The following SLX4IP variants were observed in gnomAD, a reference collection of about 807,000 sequenced individuals.
The protein encoded by SLX4IP is protein SLX4IP.
SLX4IP carries 34 observed loss-of-function variants against 32.9 expected under a neutral mutation model. The observed-to-expected ratio is 1.03, with a 90% CI of 0.79 to 1.38. The LOEUF (loss-of-function observed/expected upper bound fraction) is 1.38, where lower values mean the gene tolerates loss of function less well. SLX4IP is among the 40% of genes most tolerant of loss of function. The probability of loss-of-function intolerance (pLI) is 0.00; values close to 1 mark genes in which losing one functional copy is unlikely to be tolerated. For synonymous variants in SLX4IP, 172 were observed against 171.7 expected, an observed-to-expected ratio of 1.00 and a Z score of -0.01; for missense variants, 444 against 479.0, an observed-to-expected ratio of 0.93 and a Z score of 0.68.
At chr20:10,521,713 T>A (rs984589266) in intron 2 of SLX4IP, among the ~76,000 whole-genome samples, 1 of 152,154 alleles carries the variant, frequency 6.6e-6, no homozygotes, top group Non-Finnish European at 1.5e-5. Flanking sequence ...CATCCCCAAA[T>A]ATGCCCATGG....
intron 4 of SLX4IP, among the ~76,000 whole-genome samples, chr20:10,572,728 A>T (rs973498349): frequency 1.3e-5 from 2 of 152,102 alleles, no homozygotes; most frequent in African/African-American, 4.8e-5. Context: ...GCTTTTTGGC[A>T]TTTCTTCTAA....
chr20:10,513,124 C>T (rs1351639877), intron 2 of SLX4IP, among the ~76,000 whole-genome samples: 1 of 151,978 alleles, frequency 6.6e-6, no homozygotes, highest in Admixed American at 6.5e-5. Context: ...AAACGAAGAC[C>T]TCCTAGAGGA....
At chr20:10,564,867 C>T (rs1428850553) in intron 4 of SLX4IP, among the ~76,000 whole-genome samples, 2 of 152,130 alleles carry the variant, frequency 1.3e-5, no homozygotes, top group African/African-American at 4.8e-5. Flanking sequence ...TCCTCTTAAC[C>T]TTGCCAATAT....
chr20:10,574,558 C>T (rs1333941482), intron 4 of SLX4IP, among the ~76,000 whole-genome samples: 3 of 152,100 alleles, frequency 2.0e-5, no homozygotes, highest in African/African-American at 2.4e-5. Flanking sequence ...TCTGCTTGGG[C>T]TTGTTCACAT....
chr20:10,528,314 CAAACATTAGTTTGATAAAT>C (rs1042691066), intron 2 of SLX4IP, among the ~76,000 whole-genome samples: 7 of 152,088 alleles, frequency 4.6e-5, no homozygotes, highest in Non-Finnish European at 7.4e-5. Flanking sequence ...GTCCATTTAT[CAAACATTAGTTTGATAAAT>C]ATCATCATTT....
chr20:10,496,032 T>C (rs1003906355), intron 2 of SLX4IP, among the ~76,000 whole-genome samples: 5 of 145,716 alleles, frequency 3.4e-5, no homozygotes, highest in African/African-American at 1.1e-4. Flanking sequence ...TGTTGTTTGG[T>C]TGATTTTTTT....
chr20:10,494,491 A>G (rs975002298), intron 2 of SLX4IP, among the ~76,000 whole-genome samples: 1 of 151,756 alleles, frequency 6.6e-6, no homozygotes, highest in Non-Finnish European at 1.5e-5. Flanking sequence ...ATCTGTTTTT[A>G]GATATATTGA....
At chr20:10,463,628 G>A (rs915383058) in intron 2 of SLX4IP, among the ~76,000 whole-genome samples, 3 of 152,186 alleles carry the variant, frequency 2.0e-5, no homozygotes, top group Admixed American at 6.5e-5. Flanking sequence ...ATTGAGAAGA[G>A]ATTTTTTTAG....
intron 4 of SLX4IP, among the ~76,000 whole-genome samples, chr20:10,592,649 T>A (rs930085814): frequency 3.5e-4 from 49 of 140,468 alleles, no homozygotes; most frequent in Admixed American, 1.9e-3. Context: ...TTTTTTTTTT[T>A]TTTGAGATGG....
intron 2 of SLX4IP, among the ~76,000 whole-genome samples, chr20:10,491,270 T>G (rs2122396881): frequency 6.6e-6 from 1 of 152,326 alleles, no homozygotes; most frequent in East Asian, 1.9e-4. Flanking sequence ...TCAACTCTTC[T>G]TAAAGGAAAT....
intron 2 of SLX4IP, among the ~76,000 whole-genome samples, chr20:10,545,423 C>G (rs78240786): frequency 3.3e-5 from 5 of 152,036 alleles, no homozygotes; most frequent in Non-Finnish European, 5.9e-5. Context: ...AGTTGACACC[C>G]GCTTTAAAAG....
chr20:10,518,539 TTCCTTC>T (rs2065877966), intron 2 of SLX4IP, among the ~76,000 whole-genome samples: 3 of 109,452 alleles, frequency 2.7e-5, no homozygotes, highest in African/African-American at 9.3e-5. Context: ...CCTTCCTTCC[TTCCTTC>T]CTTCCTTTCC....
chr20:10,451,697 G>A (rs968745299), intron 1 of SLX4IP, among the ~76,000 whole-genome samples: 2 of 152,122 alleles, frequency 1.3e-5, no homozygotes, highest in African/African-American at 2.4e-5. Flanking sequence ...GGCCAGGCAC[G>A]GTGACTCATG....
chr20:10,578,245 C>T (rs2066544422), intron 4 of SLX4IP, among the ~76,000 whole-genome samples: 1 of 152,100 alleles, frequency 6.6e-6, no homozygotes. Flanking sequence ...TCCCCAATAC[C>T]CCAGCCACAG....
At chr20:10,511,546 T>A (rs147979324) in intron 2 of SLX4IP, among the ~76,000 whole-genome samples, 164 of 152,366 alleles carry the variant, frequency 1.1e-3, no homozygotes, top group Middle Eastern at 6.8e-3. Flanking sequence ...TATGTCCAGC[T>A]CTTCACCAGT....
intron 2 of SLX4IP, among the ~76,000 whole-genome samples, chr20:10,554,607 T>C (rs1222305872): frequency 6.6e-6 from 1 of 152,196 alleles, no homozygotes; most frequent in Non-Finnish European, 1.5e-5. Flanking sequence ...TTTCATGTTA[T>C]GTCAGTCTTT....
At chr20:10,512,620 T>G (rs933009377) in intron 2 of SLX4IP, among the ~76,000 whole-genome samples, 3 of 143,228 alleles carry the variant, frequency 2.1e-5, no homozygotes, top group African/African-American at 7.9e-5. Flanking sequence ...ATATATATAG[T>G]ATTATATATT....
intron 1 of SLX4IP, among the ~76,000 whole-genome samples, chr20:10,444,664 C>T (rs1172675163): frequency 2.6e-5 from 4 of 152,150 alleles, no homozygotes; most frequent in African/African-American, 4.8e-5. Flanking sequence ...ACATGAGCCA[C>T]CGCGCCTGGC....
intron 2 of SLX4IP, among the ~76,000 whole-genome samples, chr20:10,552,832 T>C (rs1461361410): frequency 4.3e-4 from 55 of 126,704 alleles, no homozygotes; most frequent in South Asian, 1.5e-3. Flanking sequence ...CCCCACCCCC[T>C]TTTTTTTTTT....
Sources: allele counts gnomAD v4.1 joint callset (sites outside exome capture counted in the v4.1 genomes callset), GRCh38; gene constraint gnomAD v4.1.1; transcripts MANE v1.5; gene names NCBI Gene and HGNC (gene_info 2026-07-23, HGNC 2026-07-21).